Variants in TTC32 observed in about 807,000 individuals in gnomAD.
TTC32 encodes tetratricopeptide repeat protein 32.
In TTC32, 16 loss-of-function variants were observed where a neutral mutation model predicts 15.3. The observed-to-expected ratio is 1.05, with a 90% CI of 0.71 to 1.59. The LOEUF (loss-of-function observed/expected upper bound fraction) is 1.59, where lower values mean the gene tolerates loss of function less well. TTC32 is among the 40% of genes most tolerant of loss of function. The pLI is 0.00. For synonymous variants in TTC32, 89 were observed against 67.8 expected (o/e 1.31, Z -1.53); for missense variants, 188 against 181.9 (o/e 1.03, Z -0.19).
chr2:19,899,275 G>A (rs1225176503), intron 1 of TTC32, among the ~76,000 whole-genome samples: 1 of 152,162 alleles, frequency 6.6e-6, no homozygotes, highest in Non-Finnish European at 1.5e-5. Flanking sequence ...TTACAAGACG[G>A]TACCACTCCC....
At chr2:19,898,842 G>C (rs192042877) in intron 1 of TTC32, among the ~76,000 whole-genome samples, 5 of 152,314 alleles carry the variant, frequency 3.3e-5, no homozygotes, top group African/African-American at 1.2e-4. Context: ...ACCTTTCTCT[G>C]CACAGGACAA....
Position 19,897,993 on chromosome 2 carries a change from C to T in TTC32, c.192G>A (p.Arg64=), listed in dbSNP as rs1572291151. 2 of 1,606,686 alleles carry T rather than the reference C, an allele frequency of 1.2e-6. No individual in the cohort carries two copies. The highest frequency in any genetic ancestry group is 4.5e-5 in the East Asian group (2 of 44,694). The change falls in exon 2 of 3, where the codon AGG becomes AGA. Residue 64 remains arginine (R), a synonymous_variant. Transcript: ENST00000333610. ...PEDLATAYNN[R]GQIKYFRVDF... Reference sequence around the variant, plus strand: ...CAACCCTGAAGTACTTGATTTGCCCCCTGTTGTTATATGCAGTAGCCAAAT... The same window carrying T: ...CAACCCTGAAGTACTTGATTTGCCCTCTGTTGTTATATGCAGTAGCCAAAT...
chr2:19,901,620 G>T, intron 1 of TTC32, 86 bp downstream of exon 1: 1 of 1,511,330 alleles, frequency 6.6e-7, no homozygotes, highest in African/African-American at 1.4e-5. Context: ...CCGACCGTGA[G>T]CTCCAGAGGC....
intron 1 of TTC32, chr2:19,901,477 G>A (rs974587984): frequency 9.0e-6 from 5 of 555,834 alleles, no homozygotes; most frequent in Non-Finnish European, 1.5e-5. Context: ...TCTCCGCACC[G>A]TCGCGGCAGC....
intron 1 of TTC32, chr2:19,901,490 G>T: frequency 1.7e-6 from 1 of 585,842 alleles, no homozygotes; most frequent in Non-Finnish European, 2.9e-6. Flanking sequence ...GCGGCAGCTG[G>T]CTCCTCACGG....
chr2:19,901,616 G>C, intron 1 of TTC32, 90 bp downstream of exon 1: 2 of 1,497,294 alleles, frequency 1.3e-6, no homozygotes, highest in South Asian at 1.3e-5. Flanking sequence ...AGCGCCGACC[G>C]TGAGCTCCAG....
At chr2:19,901,438 T>C (rs1486167727) in intron 1 of TTC32, 1 of 401,990 alleles carries the variant, frequency 2.5e-6, no homozygotes, top group African/African-American at 2.7e-5. Context: ...CGCCCGAGGA[T>C]CGCGCAGAGG....
chr2:19,897,188 A>G, intron 2 of TTC32, 62 bp from the exon 3 acceptor site: 1 of 1,517,286 alleles, frequency 6.6e-7, no homozygotes, highest in Non-Finnish European at 8.8e-7. Flanking sequence ...TATATTATTC[A>G]TGGAAAAGCT....
At chr2:19,897,258 T>A (rs1669524976) in intron 2 of TTC32, 132 bp from the exon 3 acceptor site, 2 of 852,952 alleles carry the variant, frequency 2.3e-6, no homozygotes, top group Non-Finnish European at 3.4e-6. Context: ...AGTAAAGGAA[T>A]CTTTTTATCT....
intron 1 of TTC32, 148 bp downstream of exon 1, chr2:19,901,558 T>G: frequency 8.6e-7 from 1 of 1,158,146 alleles, no homozygotes; most frequent in Non-Finnish European, 1.2e-6. Flanking sequence ...TAGGCCTTTC[T>G]AGAAAGACGA....
intron 1 of TTC32, 195 bp downstream of exon 1, chr2:19,901,510 TC>T: frequency 1.5e-6 from 1 of 663,172 alleles, no homozygotes; most frequent in Non-Finnish European, 2.4e-6. Context: ...GGTGGGCTTC[TC>T]CCCGCGTTCT....
rs371719169 is a variant in TTC32, at chr2:19,897,043, G to C, written c.400C>G (p.Gln134Glu). Residue 134 changes from glutamine to glutamate, a missense_variant, in exon 3 of 3, where the codon CAG (glutamine) becomes GAG (glutamate). Gln to Glu is a conservative substitution (Grantham distance 29). Transcript: ENST00000333610. The part of the protein sequence containing the change: ...GFQDATLSLK[Q>E]TILDKEEKQR... ...TTTTCTTCTTTGTCTAGAATAGTCTGTTTTAAGCTCAAAGTAGCATCTTGA... is the reference window on the plus strand; with the variant it reads ...TTTTCTTCTTTGTCTAGAATAGTCTCTTTTAAGCTCAAAGTAGCATCTTGA... 6.1e-5 allele frequency: 98 copies of C among 1,607,084 alleles called. No individual in the cohort carries two copies. Among genetic ancestry groups the C allele is most frequent in the Non-Finnish European group, 7.7e-5 (91 of 1,177,104 alleles).
chr2:19,899,684 A>G lies in TTC32; in HGVS notation c.150-1649T>C, dbSNP rs574887365. Among the ~76,000 whole-genome samples the G allele has an allele frequency of 4.7e-3, 708 of 150,136 alleles. 5 individuals are homozygous for G. Among genetic ancestry groups the G allele is most frequent in the African/African-American group, 0.016 (671 of 41,194 alleles). ...TTTCGCAAAAAAAAATATTTTTTAT[A>G]TATATATAAAGTGTGTGTATATATA... On this transcript the variant is annotated intron_variant, in intron 1 of 2. Coordinates refer to ENST00000333610, the MANE Select transcript of TTC32 (RefSeq NM_001008237.3).
In TTC32 at chr2:19,901,945, T is replaced by G. The variant is rs920196134; in HGVS notation, c.-91A>C. On this transcript the variant is annotated 5_prime_UTR_variant, in exon 1 of 3. Transcript: ENST00000333610. ...ACAAAGCCACTTCCACACCCTGGAA[T>G]CTACCTTGACAGCCAACCTTGGCGC... The G allele has an allele frequency of 3.3e-6, 5 of 1,509,210 alleles. No homozygotes were observed. In the Admixed American group the frequency reaches 5.4e-5, roughly 16 times the overall value. 93.5% of individuals were successfully genotyped at this position (1,509,210 alleles called of 1,614,324 possible).
Position 19,896,920 on chromosome 2 carries a change from C to CTA in TTC32, c.*65_*66dup. The CTA allele has an allele frequency of 2.2e-6, 3 of 1,375,946 alleles. No individual in the cohort carries two copies. Among genetic ancestry groups the CTA allele is most frequent in the Non-Finnish European group, 2.9e-6 (3 of 1,017,474 alleles). The allele number at this position is 1,375,946 out of a possible 1,614,324, so 85.2% of individuals were successfully genotyped here. On this transcript the variant is annotated 3_prime_UTR_variant, in exon 3 of 3. Coordinates refer to ENST00000333610, the MANE Select transcript of TTC32 (RefSeq NM_001008237.3). ...AATATAAATCAAAATAGCTCAATAT[C>CTA]TAAATTACTGATAACTAGATGCAGA...
intron 1 of TTC32, 85 bp downstream of exon 1, chr2:19,901,621 C>T (rs1027720020): frequency 7.0e-5 from 107 of 1,521,320 alleles, no homozygotes; most frequent in Admixed American, 3.3e-4. Flanking sequence ...CGACCGTGAG[C>T]TCCAGAGGCA....
chr2:19,901,755 A>C lies in TTC32; in HGVS notation c.100T>G (p.Tyr34Asp). 1.2e-6 allele frequency: 2 copies of C among 1,613,806 alleles called. No individual in the cohort carries two copies. Among genetic ancestry groups the C allele is most frequent in the Non-Finnish European group, 1.7e-6 (2 of 1,179,810 alleles). ...GCCGCGCAAGCGCACCGGCGAATGT[A>C]AGCGGAGTACAGTGCCTCGGCCTCC... ...YAEAEALYSA[Y>D]IRRCACAASS... Residue 34 changes from tyrosine to aspartate, a missense_variant, in exon 1 of 3, where the codon TAC becomes GAC. Tyr to Asp is a radical substitution (Grantham distance 160). Transcript: ENST00000333610.
At chr2:19,898,255 C>T (rs547008692) in intron 1 of TTC32, 16 of 399,448 alleles carry the variant, frequency 4.0e-5, no homozygotes, top group Middle Eastern at 6.5e-4. Context: ...GCAATGTCAA[C>T]CTGAAAAGCA....
At chr2:19,897,232 G>T in intron 2 of TTC32, 106 bp from the exon 3 acceptor site, 1 of 1,141,558 alleles carries the variant, frequency 8.8e-7, no homozygotes, top group Non-Finnish European at 1.2e-6. Flanking sequence ...ATATTTATGA[G>T]CTTTCAGTCA....
Sources: gnomAD v4.1 joint callset for allele counts (sites outside exome capture counted in the v4.1 genomes callset) on GRCh38, gnomAD v4.1.1 for gene constraint, MANE v1.5 for transcripts, NCBI Gene and HGNC (gene_info 2026-07-23, HGNC 2026-07-21) for gene names.